Variants in CWC27 observed in about 807,000 individuals in gnomAD.
The protein encoded by CWC27 is CWC27 spliceosome associated cyclophilin, also known as spliceosome-associated protein CWC27 homolog.
A neutral mutation model predicts 63.6 loss-of-function variants in CWC27; 47 were observed. The observed-to-expected ratio is 0.74, with a 90% confidence interval of 0.58 to 0.94. The LOEUF (loss-of-function observed/expected upper bound fraction) is 0.94. Among genes scored for constraint, CWC27 ranks in the 40% least tolerant of loss-of-function variants. The pLI, the probability that CWC27 is intolerant of heterozygous loss-of-function variation, is 0.00. For missense variants in CWC27, 495 were observed against 554.3 expected, an observed-to-expected ratio of 0.89 and a Z score of 1.07; for synonymous variants, 175 against 179.8, an observed-to-expected ratio of 0.97 and a Z score of 0.22.
At chr5:64,894,644 A>G (rs1206921296) in intron 11 of CWC27, among the ~76,000 whole-genome samples, 1 of 152,214 alleles carries the variant, frequency 6.6e-6, no homozygotes, top group Non-Finnish European at 1.5e-5. Context: ...AAAACAACGA[A>G]AAATGTTGGA....
At chr5:64,826,695 G>GTTTTT (rs750357983) in intron 10 of CWC27, among the ~76,000 whole-genome samples, 3 of 84,970 alleles carry the variant, frequency 3.5e-5, no homozygotes, top group African/African-American at 1.4e-4. Flanking sequence ...TAACTTTGGT[G>GTTTTT]TTTTTTTGTT....
At chr5:64,843,150 A>G (rs1191988968) in intron 10 of CWC27, among the ~76,000 whole-genome samples, 1 of 152,248 alleles carries the variant, frequency 6.6e-6, no homozygotes, top group Non-Finnish European at 1.5e-5. Context: ...TGTATATCTC[A>G]GTACAAAGGA....
intron 11 of CWC27, 139 bp downstream of exon 11, chr5:64,885,685 C>A (rs1373231390): frequency 1.2e-5 from 5 of 410,664 alleles, no homozygotes; most frequent in South Asian, 2.4e-5. Flanking sequence ...TCTTTCCCTC[C>A]CTCTTGAGTT....
chr5:64,853,988 C>A (rs900856391), intron 10 of CWC27, among the ~76,000 whole-genome samples: 2 of 152,212 alleles, frequency 1.3e-5, no homozygotes, highest in African/African-American at 4.8e-5. Flanking sequence ...TGCCCTCAGC[C>A]TCTGACAGCC....
intron 11 of CWC27, among the ~76,000 whole-genome samples, chr5:64,941,219 G>A (rs1406597506): frequency 5.9e-5 from 9 of 152,042 alleles, no homozygotes; most frequent in Admixed American, 5.9e-4. Context: ...AAGGAGCTCT[G>A]GTTTCTTTAA....
At chr5:64,960,672 A>G (rs1748889931) in intron 11 of CWC27, among the ~76,000 whole-genome samples, 1 of 152,158 alleles carries the variant, frequency 6.6e-6, no homozygotes, top group Admixed American at 6.6e-5. Flanking sequence ...TTACCACATC[A>G]CCTTTATTTA....
intron 10 of CWC27, among the ~76,000 whole-genome samples, chr5:64,854,718 A>G (rs372057174): frequency 5.2e-4 from 79 of 152,302 alleles, no homozygotes; most frequent in African/African-American, 1.8e-3. Flanking sequence ...GGCTGTTACT[A>G]TATTTCAGTT....
chr5:65,016,363 T>A (rs1750047494), intron 13 of CWC27, among the ~76,000 whole-genome samples: 2 of 152,102 alleles, frequency 1.3e-5, no homozygotes, highest in African/African-American at 2.4e-5. Flanking sequence ...GTTCTAAGCA[T>A]GGTGGCATGC....
intron 13 of CWC27, among the ~76,000 whole-genome samples, chr5:64,983,056 C>A (rs1003524566): frequency 1.3e-5 from 2 of 152,232 alleles, no homozygotes; most frequent in East Asian, 3.9e-4. Flanking sequence ...ATCAACAGCC[C>A]CTCACTCCCA....
intron 10 of CWC27, among the ~76,000 whole-genome samples, chr5:64,814,894 G>A (rs924575983): frequency 3.3e-5 from 5 of 152,100 alleles, no homozygotes; most frequent in African/African-American, 1.2e-4. Flanking sequence ...TATCTGTGGG[G>A]ATGGATTTGA....
chr5:65,007,000 AAGAAAGAAAGAAAGAAAG>A, intron 13 of CWC27, among the ~76,000 whole-genome samples: 2 of 151,422 alleles, frequency 1.3e-5, no homozygotes, highest in South Asian at 2.1e-4. Flanking sequence ...GAAAGAAAGA[AAGAAAGAAAGAAAGAAAG>A]AAAGAAAAGA....
intron 7 of CWC27, among the ~76,000 whole-genome samples, chr5:64,797,721 TGAG>T (rs1326300986): frequency 2.0e-5 from 3 of 152,290 alleles, no homozygotes; most frequent in African/African-American, 7.2e-5. Context: ...TCATTTCTTG[TGAG>T]GAGAAAACTT....
chr5:64,888,395 TAAC>T lies in CWC27; in HGVS notation c.1042+2851_1042+2853del, dbSNP rs1210336571. Among the ~76,000 whole-genome samples the T allele has an allele frequency of 3.5e-5, 5 of 144,844 alleles. No homozygotes were observed. The East Asian group carries it at 9.9e-4, about 29-fold the overall frequency. On this transcript the variant is annotated intron_variant, in intron 11 of 13. Transcript: ENST00000381070. Reference sequence around the variant, plus strand: ...ATTTGTTTATATATAAATATATAAATAACATATATTATTTATTATTATAACTTT... The same window carrying T: ...ATTTGTTTATATATAAATATATAAATATATATTATTTATTATTATAACTTT...
At chr5:64,923,202 G>A (rs896290093) in intron 11 of CWC27, among the ~76,000 whole-genome samples, 3 of 152,302 alleles carry the variant, frequency 2.0e-5, no homozygotes, top group Admixed American at 1.3e-4. Flanking sequence ...GGGGACTCCA[G>A]TAAAAGCACT....
Position 64,885,477 on chromosome 5 carries a change from C to A in CWC27, c.973C>A (p.Arg325=). 6.2e-7 allele frequency: 1 copy of A among 1,609,320 alleles called. No individual in the cohort carries two copies. The highest frequency in any genetic ancestry group is 8.5e-7 in the Non-Finnish European group (1 of 1,177,920). ...CAGAAAAGAAGCAAGACAATTAAAA[C>A]GGGAACTCTTAGCAGCAAAACAAAA... is the stretch of plus-strand genomic sequence containing the variant. ...ELRKEARQLK[R]ELLAAKQKKV... is the part of the protein sequence containing the mutation. The change falls in exon 11 of 14, where the codon CGG becomes AGG. Residue 325 remains arginine (R), a synonymous_variant. Coordinates refer to ENST00000381070, the MANE Select transcript of CWC27 (RefSeq NM_005869.4).
intron 12 of CWC27, among the ~76,000 whole-genome samples, chr5:64,975,667 T>TACAC (rs1377484207): frequency 2.0e-5 from 3 of 152,024 alleles, no homozygotes; most frequent in Non-Finnish European, 4.4e-5. Flanking sequence ...ATGTTCCCCC[T>TACAC]ACACACACAC....
chr5:64,972,840 G>C, intron 12 of CWC27: 1 of 327,462 alleles, frequency 3.1e-6, no homozygotes, highest in Non-Finnish European at 6.1e-6. Flanking sequence ...GTCAACACAT[G>C]AACACATCCC....
intron 11 of CWC27, among the ~76,000 whole-genome samples, chr5:64,935,125 A>G (rs1243126085): frequency 6.6e-6 from 1 of 152,162 alleles, no homozygotes; most frequent in Non-Finnish European, 1.5e-5. Context: ...TGATTTGTCA[A>G]TTTTGGCTTT....
intron 10 of CWC27, among the ~76,000 whole-genome samples, chr5:64,848,817 G>A (rs1223906251): frequency 6.6e-6 from 1 of 152,046 alleles, no homozygotes; most frequent in African/African-American, 2.4e-5. Context: ...ACCAAATTAG[G>A]TATAGAAGGA....
Sources: gnomAD v4.1 joint callset for allele counts (sites outside exome capture counted in the v4.1 genomes callset) on GRCh38, gnomAD v4.1.1 for gene constraint, MANE v1.5 for transcripts, NCBI Gene and HGNC (gene_info 2026-07-23, HGNC 2026-07-21) for gene names.